NPAS3: variants seen among roughly 807,000 people sequenced by gnomAD.
The protein encoded by NPAS3 is neuronal PAS domain protein 3, also known as neuronal PAS domain-containing protein 3.
Under a neutral mutation model 73.1 loss-of-function variants are expected in NPAS3, and 14 were observed. The observed-to-expected ratio is 0.19, with a 90% CI of 0.13 to 0.30. The LOEUF is 0.30. Ranked by LOEUF, NPAS3 falls within the 10% of genes least tolerant of loss-of-function variation. The pLI, the probability that NPAS3 is intolerant of heterozygous loss-of-function variation, is 1.00. For synonymous variants in NPAS3, 620 were observed against 541.5 expected (o/e 1.14, Z -2.01); for missense variants, 1,096 against 1,250.0 (o/e 0.88, Z 1.86).
intron 7 of NPAS3, among the ~76,000 whole-genome samples, chr14:33,770,506 G>A (rs2062615955): frequency 6.6e-6 from 1 of 152,216 alleles, no homozygotes; most frequent in Non-Finnish European, 1.5e-5. Context: ...TTTGAGGACA[G>A]ATTTACATTT....
chr14:32,948,336 T>G (rs2036348248), intron 1 of NPAS3, among the ~76,000 whole-genome samples: 1 of 152,146 alleles, frequency 6.6e-6, no homozygotes, highest in Admixed American at 6.5e-5. Context: ...ATCCTAATCT[T>G]AGAAGAAATG....
intron 7 of NPAS3, among the ~76,000 whole-genome samples, chr14:33,772,375 A>G (rs1409364066): frequency 6.6e-6 from 1 of 152,166 alleles, no homozygotes; most frequent in African/African-American, 2.4e-5. Flanking sequence ...CTTCAGTACC[A>G]TGATGGCCAC....
At chr14:33,062,302 A>G (rs57555156) in intron 2 of NPAS3, among the ~76,000 whole-genome samples, 42,538 of 112,266 alleles carry the variant, frequency 0.38, 6,288 homozygotes, top group Middle Eastern at 0.46. Context: ...AAAAAAAAAG[A>G]AAAAAAAAAA....
chr14:33,019,235 A>C (rs1273747463), intron 1 of NPAS3, among the ~76,000 whole-genome samples: 1 of 152,262 alleles, frequency 6.6e-6, no homozygotes, highest in Non-Finnish European at 1.5e-5. Context: ...CCATAACTGC[A>C]CATCTCACTC....
rs145635733 is a variant in NPAS3, at chr14:33,791,549, C to G, written c.1154-2348C>G. 9.8e-5 allele frequency among the ~76,000 whole-genome samples: 15 copies of G among 152,310 alleles called. No homozygotes were observed. The East Asian group carries it at 2.9e-3, about 29-fold the overall frequency. ...CTTAGCAAAGAAGCCTTTCAGCCCC[C>G]TTCGCTACACATACGTGCAGACCAC... On this transcript the variant is annotated intron_variant, in intron 9 of 11. Coordinates refer to ENST00000356141, the Ensembl canonical transcript of NPAS3.
intron 4 of NPAS3, among the ~76,000 whole-genome samples, chr14:33,557,687 C>A (rs565802251): frequency 6.6e-6 from 1 of 152,308 alleles, no homozygotes; most frequent in East Asian, 1.9e-4. Context: ...TAGATAATAA[C>A]AGCTGGGCGC....
At chr14:33,083,354 A>C (rs183220164) in intron 2 of NPAS3, among the ~76,000 whole-genome samples, 50 of 152,232 alleles carry the variant, frequency 3.3e-4, no homozygotes, top group Non-Finnish European at 6.0e-4. Context: ...ACTGGACCTT[A>C]TTATGAGTAG....
At chr14:33,139,271 G>A (rs569231850) in intron 2 of NPAS3, among the ~76,000 whole-genome samples, 19 of 152,170 alleles carry the variant, frequency 1.2e-4, no homozygotes, top group South Asian at 4.2e-4. Context: ...CCTTTCTGCC[G>A]CCCAGCTAGC....
chr14:33,248,975 A>G (rs2139876424), intron 3 of NPAS3, among the ~76,000 whole-genome samples: 1 of 152,308 alleles, frequency 6.6e-6, no homozygotes, highest in Admixed American at 6.5e-5. Flanking sequence ...GAGTTGGGTT[A>G]TGTTTAGAAT....
At chr14:32,935,783 G>A (rs1440612948), upstream of NPAS3, among the ~76,000 whole-genome samples, 3 of 152,200 alleles carry the variant, frequency 2.0e-5, no homozygotes, top group African/African-American at 7.2e-5. Flanking sequence ...ACTACCAACA[G>A]CTTTAGAACC....
chr14:33,032,890 G>C (rs538710437), intron 1 of NPAS3, among the ~76,000 whole-genome samples: 1 of 152,304 alleles, frequency 6.6e-6, no homozygotes, highest in East Asian at 1.9e-4. Context: ...TTGTGAGCTT[G>C]TATTATATAT....
intron 2 of NPAS3, among the ~76,000 whole-genome samples, chr14:33,065,759 T>C (rs2041256179): frequency 6.6e-6 from 1 of 151,964 alleles, no homozygotes; most frequent in Non-Finnish European, 1.5e-5. Context: ...TTTCTCTTAC[T>C]AGCAATTCCC....
At chr14:33,456,171 C>G (rs867104919) in intron 4 of NPAS3, among the ~76,000 whole-genome samples, 1 of 152,136 alleles carries the variant, frequency 6.6e-6, no homozygotes, top group East Asian at 1.9e-4. Flanking sequence ...GCATTAGCTA[C>G]GAAGATTTAT....
chr14:33,442,522 G>C (rs1444621413), intron 4 of NPAS3, among the ~76,000 whole-genome samples: 2 of 152,232 alleles, frequency 1.3e-5, no homozygotes, highest in Non-Finnish European at 2.9e-5. Context: ...TGTTGTGGGA[G>C]GTAATTGAAT....
intron 4 of NPAS3, among the ~76,000 whole-genome samples, chr14:33,422,836 T>C (rs533579756): frequency 2.0e-5 from 3 of 152,130 alleles, no homozygotes; most frequent in African/African-American, 7.2e-5. Context: ...GAGCACATAT[T>C]AGCTTAGAGA....
intron 4 of NPAS3, among the ~76,000 whole-genome samples, chr14:33,482,334 G>A (rs1381643995): frequency 6.6e-6 from 1 of 152,088 alleles, no homozygotes; most frequent in African/African-American, 2.4e-5. Context: ...TCTTTTAAAT[G>A]TTTTCATTCA....
In NPAS3 at chr14:33,153,792, C is replaced by T. The variant is rs573542335; in HGVS notation, c.141-61390C>T. Among the ~76,000 whole-genome samples, 14 of 152,214 alleles carry T rather than the reference C, an allele frequency of 9.2e-5. 1 individual carries two copies. The South Asian group carries it at 1.2e-3, about 14-fold the overall frequency. On this transcript the variant is annotated intron_variant, in intron 2 of 11. Coordinates refer to ENST00000356141, the Ensembl canonical transcript of NPAS3. ...ACTCCGAGTCCTAAACCATTTGTGT[C>T]TTCTGTGGTGTTTTGGACTCTTTCT... is the stretch of plus-strand genomic sequence containing the variant.
chr14:33,096,084 G>C (rs1272892876), intron 2 of NPAS3, among the ~76,000 whole-genome samples: 2 of 151,052 alleles, frequency 1.3e-5, no homozygotes, highest in Non-Finnish European at 2.9e-5. Context: ...TCTGGCAGTA[G>C]GGAAACTTTC....
chr14:33,695,284 G>T lies in NPAS3; in HGVS notation c.733+18899G>T, dbSNP rs1021786655. 2.3e-4 allele frequency among the ~76,000 whole-genome samples: 35 copies of T among 152,148 alleles called. 1 individual carries two copies. Among genetic ancestry groups the T allele is most frequent in the African/African-American group, 7.7e-4 (32 of 41,426 alleles). On this transcript the variant is annotated intron_variant, in intron 6 of 11. Transcript: ENST00000356141. ...CATATGAGAGACTCTGACTTTTAAG[G>T]TTGTTACCCTCTACCAACACATGTC...
Sources: allele counts gnomAD v4.1 joint callset (sites outside exome capture counted in the v4.1 genomes callset), GRCh38; gene constraint gnomAD v4.1.1; transcripts MANE v1.5; gene names NCBI Gene and HGNC (gene_info 2026-07-23, HGNC 2026-07-21).